Variants in TMEM232 observed in about 807,000 individuals in gnomAD.
The protein encoded by TMEM232 is transmembrane protein 232.
TMEM232 carries 80 observed loss-of-function variants against 78.8 expected under a neutral mutation model. The observed-to-expected ratio is 1.01, with a 90% CI of 0.85 to 1.22. TMEM232 has a LOEUF of 1.22. Among genes scored for constraint, TMEM232 ranks in the 50% most tolerant of loss-of-function variants. The pLI, the probability that TMEM232 is intolerant of heterozygous loss-of-function variation, is 0.00. For missense variants in TMEM232, 881 were observed against 742.2 expected, an observed-to-expected ratio of 1.19 and a Z score of -2.17; for synonymous variants, 297 against 254.3, an observed-to-expected ratio of 1.17 and a Z score of -1.60.
chr5:110,670,003 T>C (rs957331304), intron 1 of TMEM232, among the ~76,000 whole-genome samples: 21 of 152,190 alleles, frequency 1.4e-4, no homozygotes, highest in Non-Finnish European at 2.1e-4. Flanking sequence ...GAGCTATCTA[T>C]GACAAACCCA....
At chr5:110,624,151 T>C (rs970674792) in intron 7 of TMEM232, among the ~76,000 whole-genome samples, 3 of 152,122 alleles carry the variant, frequency 2.0e-5, no homozygotes, top group African/African-American at 7.2e-5. Context: ...GGAAGAACAT[T>C]CCAATCACAA....
intron 1 of TMEM232, among the ~76,000 whole-genome samples, chr5:110,688,427 T>G (rs1011947068): frequency 8.5e-5 from 13 of 152,176 alleles, no homozygotes; most frequent in African/African-American, 3.1e-4. Flanking sequence ...AGATGTCTCC[T>G]GAGACTGGAA....
intron 12 of TMEM232, among the ~76,000 whole-genome samples, chr5:110,522,783 T>C (rs1228926268): frequency 3.9e-5 from 6 of 152,288 alleles, no homozygotes; most frequent in Non-Finnish European, 8.8e-5. Flanking sequence ...TCATGATGTA[T>C]GATTATTTTA....
chr5:110,720,406 A>G (rs187345600), intron 1 of TMEM232: 1 of 152,264 alleles, frequency 6.6e-6, no homozygotes, highest in East Asian at 1.9e-4. Flanking sequence ...ATTTGAGTTG[A>G]AGGGGATTAG....
At chr5:110,632,685 T>C (rs1268728526) in intron 5 of TMEM232, among the ~76,000 whole-genome samples, 1 of 151,920 alleles carries the variant, frequency 6.6e-6, no homozygotes, top group African/African-American at 2.4e-5. Context: ...ACATGTCTTT[T>C]GATATAACTT....
intron 1 of TMEM232, among the ~76,000 whole-genome samples, chr5:110,696,348 A>G (rs1399851200): frequency 6.6e-6 from 1 of 152,216 alleles, no homozygotes; most frequent in Non-Finnish European, 1.5e-5. Context: ...CCAATATCAT[A>G]CTGAATGGAC....
intron 10 of TMEM232, among the ~76,000 whole-genome samples, chr5:110,596,790 A>T (rs1319138208): frequency 6.6e-6 from 1 of 152,192 alleles, no homozygotes; most frequent in Admixed American, 6.5e-5. Context: ...TAGATGCAGA[A>T]AAGGCCTTTG....
At chr5:110,424,784 C>T (rs976286515) in intron 13 of TMEM232, 39 bp downstream of exon 13, 2 of 1,449,468 alleles carry the variant, frequency 1.4e-6, no homozygotes, top group African/African-American at 1.4e-5. Flanking sequence ...TTTTAAGGAA[C>T]AAAGCTTTTG....
chr5:110,474,029 C>A (rs1383908918), intron 12 of TMEM232, among the ~76,000 whole-genome samples: 2 of 149,186 alleles, frequency 1.3e-5, no homozygotes, highest in Non-Finnish European at 3.0e-5. Context: ...TCAATAGGTA[C>A]ACAAAGTTAC....
intron 11 of TMEM232, among the ~76,000 whole-genome samples, chr5:110,561,188 G>A (rs1380146389): frequency 2.6e-5 from 4 of 151,766 alleles, no homozygotes; most frequent in Non-Finnish European, 5.9e-5. Flanking sequence ...TTTCATACAG[G>A]GAATAACTCA....
chr5:110,630,220 A>C (rs1373759556), intron 5 of TMEM232, among the ~76,000 whole-genome samples: 1 of 152,230 alleles, frequency 6.6e-6, no homozygotes, highest in African/African-American at 2.4e-5. Context: ...AAGCTTTAAA[A>C]ATAGTACATC....
chr5:110,625,309 A>G lies in TMEM232; in HGVS notation c.726T>C (p.Pro242=). ...RELRSESIFR[P]VEDKKRYENT... is the part of the protein sequence containing the mutation. ...TCTCATATCTTTTCTTATCTTCCAC[A>G]GGTCTAAAAATGGATTCAGAACGGA... is the stretch of plus-strand genomic sequence containing the variant. Residue 242 remains proline, a synonymous_variant, in exon 7 of 14, where the codon CCT becomes CCC. Transcript: ENST00000455884. 1 of 1,544,744 alleles carries G rather than the reference A, an allele frequency of 6.5e-7. No homozygotes were observed. Among genetic ancestry groups the G allele is most frequent in the African/African-American group, 1.4e-5 (1 of 72,716 alleles).
At chr5:110,400,235 G>T (rs1185759817) in intron 2 of TMEM232, among the ~76,000 whole-genome samples, 1 of 152,132 alleles carries the variant, frequency 6.6e-6, no homozygotes, top group Non-Finnish European at 1.5e-5. Flanking sequence ...AATTCTGACT[G>T]TTCCACCTGT....
chr5:110,527,444 G>A lies in TMEM232; in HGVS notation c.1703+1144C>T, dbSNP rs1770764066. ...AAATAAATAATAAATACATAAGAAA[G>A]TATATATTCAGGAATTGAATAAAAT... is the stretch of plus-strand genomic sequence containing the variant. On this transcript the variant is annotated intron_variant, in intron 12 of 13. Transcript: ENST00000455884. Among the ~76,000 whole-genome samples, 3 of 151,778 alleles carry A rather than the reference G, an allele frequency of 2.0e-5. No individual in the cohort carries two copies. The South Asian group carries it at 6.2e-4, about 31-fold the overall frequency.
intron 3 of TMEM232, among the ~76,000 whole-genome samples, chr5:110,391,326 T>TGTGTGTGTGTGAGAGAGAGAGAGAGA (rs549361387): frequency 6.0e-4 from 84 of 139,908 alleles, no homozygotes; most frequent in African/African-American, 2.1e-3. Context: ...TGTGTGTGTG[T>TGTGTGTGTGTGAGAGAGAGAGAGAGA]GAGAGAGAGA....
At chr5:110,393,400 C>G (rs911724678) in intron 3 of TMEM232, among the ~76,000 whole-genome samples, 1 of 152,054 alleles carries the variant, frequency 6.6e-6, no homozygotes, top group Non-Finnish European at 1.5e-5. Flanking sequence ...TGTAATATAC[C>G]TCTCTATCCT....
intron 12 of TMEM232, among the ~76,000 whole-genome samples, chr5:110,450,258 G>A (rs540236788): frequency 6.6e-6 from 1 of 152,276 alleles, no homozygotes; most frequent in Non-Finnish European, 1.5e-5. Context: ...CTTTATAACA[G>A]TGTGAGAATG....
chr5:110,571,946 A>C (rs1391528362), intron 10 of TMEM232, among the ~76,000 whole-genome samples: 1 of 152,018 alleles, frequency 6.6e-6, no homozygotes, highest in East Asian at 1.9e-4. Context: ...TAAACTGGGA[A>C]ACCAATACAG....
intron 3 of TMEM232, among the ~76,000 whole-genome samples, chr5:110,391,848 T>C (rs1298673110): frequency 2.6e-5 from 4 of 152,216 alleles, no homozygotes; most frequent in African/African-American, 9.6e-5. Context: ...AGCTGGACTA[T>C]ACAGCAGTTT....
Sources: gnomAD v4.1 joint callset for allele counts (sites outside exome capture counted in the v4.1 genomes callset) on GRCh38, gnomAD v4.1.1 for gene constraint, MANE v1.5 for transcripts, NCBI Gene and HGNC (gene_info 2026-07-23, HGNC 2026-07-21) for gene names.